The following FOXP2 variants were observed in gnomAD, a reference collection of about 807,000 sequenced individuals.
FOXP2 encodes forkhead box P2.
Under a neutral mutation model 115.8 loss-of-function variants are expected in FOXP2, and 12 were observed. The ratio of observed to expected loss-of-function variants is 0.10; its 90% confidence interval spans 0.07 to 0.17. The LOEUF (loss-of-function observed/expected upper bound fraction) is 0.17. Ranked by LOEUF, FOXP2 falls within the 10% of genes least tolerant of loss-of-function variation. FOXP2 has a pLI of 1.00. For missense variants in FOXP2, 629 were observed against 843.5 expected, an observed-to-expected ratio of 0.75 and a Z score of 3.15; for synonymous variants, 328 against 297.7, an observed-to-expected ratio of 1.10 and a Z score of -1.05.
At chr7:114,429,364 T>C (rs918041911) in intron 2 of FOXP2, among the ~76,000 whole-genome samples, 11 of 151,426 alleles carry the variant, frequency 7.3e-5, no homozygotes, top group African/African-American at 2.7e-4. Context: ...TCTGCTATCT[T>C]ATATTTACTG....
chr7:114,300,103 A>C (rs1215935844), intron 2 of FOXP2, among the ~76,000 whole-genome samples: 6 of 151,908 alleles, frequency 3.9e-5, no homozygotes, highest in African/African-American at 1.4e-4. Flanking sequence ...TTTGATAGGA[A>C]ATGGAAAAGA....
In FOXP2 at chr7:114,116,982, A is replaced by AT. The variant is rs575685026; in HGVS notation, c.-247+29145dup. On this transcript the variant is annotated intron_variant, in intron 1 of 19. Transcript: ENST00000635638. ...TTTTTAAAAAGAAAATTTAAAGTTA[A>AT]TACATATATCCAGAGTAGATGTTAG... Among the ~76,000 whole-genome samples, 514 of 152,196 alleles carry AT rather than the reference A, an allele frequency of 3.4e-3. 16 individuals carry two copies. Among genetic ancestry groups the AT allele is most frequent in the Non-Finnish European group, 4.3e-4 (29 of 68,008 alleles).
rs1563082375 is a variant in FOXP2, at chr7:114,690,962, A to G, written c.*1036A>G. 1 of 454,376 alleles carries G rather than the reference A, an allele frequency of 2.2e-6. No homozygotes were observed. The highest frequency in any genetic ancestry group is 4.4e-6 in the Non-Finnish European group (1 of 226,770). The allele number at this position is 454,376 out of a possible 1,614,324, so 28.1% of individuals were successfully genotyped here. On this transcript the variant is annotated 3_prime_UTR_variant, in exon 17 of 17. Transcript: ENST00000350908. ...AAAAATGTTAATTCAGTCACAGAGT[A>G]ATCTTCTGAGGCCAAAAGTCCATCT...
At chr7:114,508,967 G>A (rs1015966773) in intron 2 of FOXP2, among the ~76,000 whole-genome samples, 8 of 152,052 alleles carry the variant, frequency 5.3e-5, no homozygotes, top group Non-Finnish European at 1.0e-4. Flanking sequence ...TCTATTATGA[G>A]GAACATTATT....
At position 114,217,031 on chromosome 7, in the gene FOXP2, T is replaced by C. The variant is rs1176613494; in HGVS notation, c.-102+53943T>C. On this transcript the variant is annotated intron_variant, in intron 1 of 17. Coordinates refer to the FOXP2 transcript ENST00000634411. The stretch of plus-strand genomic sequence containing the variant: ...ATTCATGATTATGGTTTGAGTGTTA[T>C]TTATCACCAAATAGAACAGATAATG... Among the ~76,000 whole-genome samples, 7 of 152,306 alleles carry C rather than the reference T, an allele frequency of 4.6e-5. 2 individuals are homozygous for C. The highest frequency in any genetic ancestry group is 3.9e-4 in the Admixed American group (6 of 15,294).
chr7:114,132,457 G>T (rs1791905012), intron 1 of FOXP2, among the ~76,000 whole-genome samples: 1 of 151,874 alleles, frequency 6.6e-6, no homozygotes, highest in Non-Finnish European at 1.5e-5. Flanking sequence ...CTCATGAGGG[G>T]AAACTGACAA....
chr7:114,375,631 A>G (rs945719536), intron 2 of FOXP2, among the ~76,000 whole-genome samples: 3 of 152,162 alleles, frequency 2.0e-5, no homozygotes, highest in Non-Finnish European at 2.9e-5. Context: ...ACTTTACATC[A>G]TATTAACTTA....
intron 1 of FOXP2, among the ~76,000 whole-genome samples, chr7:114,278,005 C>G (rs1019233678): frequency 9.2e-6 from 1 of 108,748 alleles, no homozygotes; most frequent in Non-Finnish European, 1.7e-5. Context: ...CTAGCCTGGG[C>G]GAAAGAGTGA....
intron 1 of FOXP2, among the ~76,000 whole-genome samples, chr7:114,185,815 A>C (rs1012511166): frequency 6.6e-6 from 1 of 152,188 alleles, no homozygotes; most frequent in African/African-American, 2.4e-5. Flanking sequence ...TATGCGTTTA[A>C]AAATATTTTT....
chr7:114,433,526 A>G (rs1018202321), intron 2 of FOXP2, among the ~76,000 whole-genome samples: 1 of 151,984 alleles, frequency 6.6e-6, no homozygotes, highest in Non-Finnish European at 1.5e-5. Context: ...ACCATCATTT[A>G]AAATATTGAT....
chr7:114,222,608 C>T (rs569556273), intron 1 of FOXP2, among the ~76,000 whole-genome samples: 4 of 152,184 alleles, frequency 2.6e-5, no homozygotes, highest in South Asian at 2.1e-4. Context: ...CTAATGAAGT[C>T]GCTACATTAT....
intron 10 of FOXP2, among the ~76,000 whole-genome samples, chr7:114,655,698 C>T (rs1040228645): frequency 2.6e-5 from 4 of 152,054 alleles, no homozygotes; most frequent in African/African-American, 9.7e-5. Flanking sequence ...GTTGAGACGG[C>T]CCACACATTT....
At chr7:114,388,846 T>A (rs577584188) in intron 2 of FOXP2, among the ~76,000 whole-genome samples, 1 of 152,308 alleles carries the variant, frequency 6.6e-6, no homozygotes, top group African/African-American at 2.4e-5. Flanking sequence ...GAAAACTAGA[T>A]GGGAATTGTC....
At chr7:114,647,574 G>A (rs970281697) in intron 8 of FOXP2, among the ~76,000 whole-genome samples, 2 of 151,768 alleles carry the variant, frequency 1.3e-5, no homozygotes, top group Non-Finnish European at 2.9e-5. Flanking sequence ...AAAAAGTGTT[G>A]AGGAAAATTT....
intron 1 of FOXP2, among the ~76,000 whole-genome samples, chr7:114,191,568 GAACATAT>G (rs935228461): frequency 3.9e-5 from 6 of 152,168 alleles, no homozygotes; most frequent in African/African-American, 4.8e-5. Context: ...GAAGAATTAT[GAACATAT>G]AACCTGATTT....
At chr7:114,264,085 C>T (rs1795832578) in intron 1 of FOXP2, among the ~76,000 whole-genome samples, 1 of 152,040 alleles carries the variant, frequency 6.6e-6, no homozygotes, top group African/African-American at 2.4e-5. Context: ...CTCTAAGACC[C>T]TGTCAAGGTG....
intron 3 of FOXP2, among the ~76,000 whole-genome samples, chr7:114,614,995 C>A (rs551729648): frequency 1.3e-5 from 2 of 151,972 alleles, no homozygotes; most frequent in Non-Finnish European, 2.9e-5. Context: ...CCGAGGCGGG[C>A]GGATCACAAG....
intron 2 of FOXP2, among the ~76,000 whole-genome samples, chr7:114,344,157 C>T (rs186584586): frequency 2.6e-5 from 4 of 151,774 alleles, no homozygotes; most frequent in Non-Finnish European, 3.0e-5. Context: ...AAGAACTATA[C>T]AACATGTTGA....
intron 1 of FOXP2, among the ~76,000 whole-genome samples, chr7:114,170,313 C>A (rs944123991): frequency 3.9e-5 from 6 of 152,154 alleles, no homozygotes; most frequent in South Asian, 2.1e-4. Flanking sequence ...TGTCTCTCTC[C>A]TTCTCTTCAG....
Sources: gnomAD v4.1 joint callset for allele counts (sites outside exome capture counted in the v4.1 genomes callset) on GRCh38, gnomAD v4.1.1 for gene constraint, MANE v1.5 for transcripts, NCBI Gene and HGNC (gene_info 2026-07-23, HGNC 2026-07-21) for gene names.